Variants in ABCA8 observed in about 807,000 individuals in gnomAD.
ABCA8 encodes the protein ATP binding cassette subfamily A member 8.
A neutral mutation model predicts 192.3 loss-of-function variants in ABCA8; 177 were observed. The ratio of observed to expected loss-of-function variants is 0.92; its 90% confidence interval spans 0.81 to 1.04. The LOEUF is 1.04. Ranked by LOEUF, ABCA8 falls within the 50% of genes least tolerant of loss-of-function variation. The pLI, the probability that ABCA8 is intolerant of heterozygous loss-of-function variation, is 0.00. For missense variants in ABCA8, 1,915 were observed against 1,904.8 expected (o/e 1.01, Z -0.10); for synonymous variants, 642 against 690.2 (o/e 0.93, Z 1.09).
At chr17:68,941,010 G>A (rs763188216) in intron 3 of ABCA8, 48 bp from the exon 4 acceptor site, 2 of 1,412,008 alleles carry the variant, frequency 1.4e-6, no homozygotes, top group Admixed American at 3.8e-5. Context: ...TTTAAAATTA[G>A]TCATCCACAA....
chr17:68,903,099 A>C (rs980092713), intron 20 of ABCA8, among the ~76,000 whole-genome samples: 1 of 152,112 alleles, frequency 6.6e-6, no homozygotes, highest in Non-Finnish European at 1.5e-5. Flanking sequence ...TGGCCATTGG[A>C]TATCCCATAA....
At chr17:68,926,476 A>T (rs548148370) in intron 10 of ABCA8, among the ~76,000 whole-genome samples, 18 of 152,340 alleles carry the variant, frequency 1.2e-4, no homozygotes, top group African/African-American at 4.3e-4. Context: ...AGATTTTGCC[A>T]TAAAAACAAA....
intron 3 of ABCA8, among the ~76,000 whole-genome samples, chr17:68,941,186 T>A (rs2143764182): frequency 6.6e-6 from 1 of 151,762 alleles, no homozygotes; most frequent in South Asian, 2.1e-4. Context: ...TTCTGGAATT[T>A]CAAACTCAAC....
In ABCA8 at chr17:68,885,247, A is replaced by T; in HGVS notation, c.3498T>A (p.Thr1166=). The part of the protein sequence containing the change: ...IFESDIPFIF[T]FLIPPATMIG... ...TCATTGTGGCAGGTGGTATTAAAAA[A>T]GTGAAGATAAATGGAATATCACTTT... Residue 1166 remains threonine, a synonymous_variant, in exon 27 of 40, where the codon ACT becomes ACA. Coordinates refer to ENST00000586539, the MANE Select transcript of ABCA8 (RefSeq NM_001288985.2). The T allele has an allele frequency of 6.2e-7, 1 of 1,613,860 alleles. No individual in the cohort carries two copies. The highest frequency in any genetic ancestry group is 8.5e-7 in the Non-Finnish European group (1 of 1,179,872).
At chr17:68,895,611 G>A (rs563801484) in intron 21 of ABCA8, among the ~76,000 whole-genome samples, 4 of 152,230 alleles carry the variant, frequency 2.6e-5, no homozygotes, top group South Asian at 4.1e-4. Flanking sequence ...AGCCTGATCC[G>A]TCTACTCCCC....
chr17:68,935,262 T>TTGTGTGTGTGTGTG lies in ABCA8; in HGVS notation c.466+1675_466+1688dup, dbSNP rs71144641. 2.8e-3 allele frequency among the ~76,000 whole-genome samples: 375 copies of TTGTGTGTGTGTGTG among 136,070 alleles called. 3 individuals are homozygous for TTGTGTGTGTGTGTG. Among genetic ancestry groups the TTGTGTGTGTGTGTG allele is most frequent in the African/African-American group, 9.1e-3 (315 of 34,496 alleles). 89.3% of individuals were successfully genotyped at this position (136,070 alleles called of 152,430 possible). A position where few individuals can be genotyped will look rare whatever the true frequency, so the allele number is the denominator to read the frequency against. ...GGCAGACGCTGCCACGCCTGGCTAA[T>TTGTGTGTGTGTGTG]TGTGTGTGTGTGTGTGTGTGTGTGT... On this transcript the variant is annotated intron_variant, in intron 5 of 39. Transcript: ENST00000586539.
At chr17:68,886,402 C>T (rs547454331) in intron 26 of ABCA8, among the ~76,000 whole-genome samples, 28 of 152,186 alleles carry the variant, frequency 1.8e-4, no homozygotes, top group Admixed American at 7.2e-4. Flanking sequence ...GGTTTCTGTT[C>T]GTTATCTCTA....
At chr17:68,941,472 A>C (rs1199465696) in intron 3 of ABCA8, among the ~76,000 whole-genome samples, 3 of 152,214 alleles carry the variant, frequency 2.0e-5, no homozygotes, top group Non-Finnish European at 2.9e-5. Flanking sequence ...TATAAGAGCT[A>C]ATGCTAATTT....
chr17:68,934,870 A>G (rs1391562967), intron 5 of ABCA8, among the ~76,000 whole-genome samples: 2 of 152,308 alleles, frequency 1.3e-5, no homozygotes, highest in Middle Eastern at 3.4e-3. Context: ...AAGTGATATA[A>G]CATGTGGTTT....
chr17:68,936,630 A>G (rs760429601), intron 5 of ABCA8, among the ~76,000 whole-genome samples: 4 of 152,038 alleles, frequency 2.6e-5, no homozygotes, highest in African/African-American at 4.8e-5. Context: ...AATTTGTTCT[A>G]TCTTATCCAT....
chr17:68,877,411 TG>T, intron 33 of ABCA8, 107 bp downstream of exon 33: 1 of 1,029,244 alleles, frequency 9.7e-7, no homozygotes, highest in Non-Finnish European at 1.4e-6. Flanking sequence ...CAGTGTGACC[TG>T]GGTCAGCATT....
In ABCA8 at chr17:68,868,143, A is replaced by C. The variant is rs2065960947; in HGVS notation, c.4808T>G (p.Phe1603Cys). 5.0e-6 allele frequency: 8 copies of C among 1,613,254 alleles called. No individual in the cohort carries two copies. Among genetic ancestry groups the C allele is most frequent in the Non-Finnish European group, 6.8e-6 (8 of 1,179,598 alleles). ...ELSKEQELGD[F>C]EEDFDPSVKW... ...CACTGAGGGATCAAAATCCTCCTCA[A>C]AATCACCCAGCTCCTGCTCCTTGGA... The change falls in exon 40 of 40, where the codon TTT becomes TGT. Residue 1603 changes from phenylalanine to cysteine, a missense_variant. By Grantham distance (205) the Phe-to-Cys change is radical. Transcript: ENST00000586539.
At chr17:68,914,609 G>A (rs1345248540) in intron 17 of ABCA8, among the ~76,000 whole-genome samples, 2 of 151,924 alleles carry the variant, frequency 1.3e-5, no homozygotes, top group Non-Finnish European at 2.9e-5. Context: ...GATCTCTATA[G>A]TGAAAACCAT....
At chr17:68,909,364 C>T (rs2067177133) in intron 17 of ABCA8, among the ~76,000 whole-genome samples, 1 of 152,148 alleles carries the variant, frequency 6.6e-6, no homozygotes, top group African/African-American at 2.4e-5. Flanking sequence ...CATGACTGGG[C>T]TCCAACCAAA....
chr17:68,940,754 T>G lies in ABCA8; in HGVS notation c.301+4A>C. On this transcript the variant is annotated splice_donor_region_variant and intron_variant, in intron 4 of 39. Coordinates refer to ENST00000586539, the MANE Select transcript of ABCA8 (RefSeq NM_001288985.2). ...CATTCTTCTTAAGTAACTAGAAAAC[T>G]TACCTGCCAGGAAGGGAGTAGAGGC... is the stretch of plus-strand genomic sequence containing the variant. 6.2e-7 allele frequency: 1 copy of G among 1,611,016 alleles called. No homozygotes were observed. The highest frequency in any genetic ancestry group is 8.5e-7 in the Non-Finnish European group (1 of 1,177,472).
intron 17 of ABCA8, 63 bp from the exon 18 acceptor site, chr17:68,907,942 A>T: frequency 7.1e-7 from 1 of 1,414,246 alleles, no homozygotes; most frequent in Non-Finnish European, 9.4e-7. Context: ...TAGCAAGAAA[A>T]TAATTAACTA....
At chr17:68,883,967 TA>T (rs1267302173) in intron 28 of ABCA8, 85 bp from the exon 29 acceptor site, 8 of 839,090 alleles carry the variant, frequency 9.5e-6, no homozygotes, top group Non-Finnish European at 1.5e-5. Flanking sequence ...ACCGAACTTC[TA>T]AAAAAATACA....
chr17:68,894,570 T>A (rs2066699445), intron 22 of ABCA8, among the ~76,000 whole-genome samples: 1 of 152,194 alleles, frequency 6.6e-6, no homozygotes, highest in African/African-American at 2.4e-5. Flanking sequence ...TGTTCAGTGT[T>A]TATTGTTTAA....
chr17:68,924,657 G>C, intron 11 of ABCA8, 44 bp downstream of exon 11: 1 of 1,586,964 alleles, frequency 6.3e-7, no homozygotes, highest in South Asian at 1.2e-5. Context: ...CTATCTCTTA[G>C]CTTCCTGCCT....
Sources: gnomAD v4.1 joint callset for allele counts (sites outside exome capture counted in the v4.1 genomes callset) on GRCh38, gnomAD v4.1.1 for gene constraint, MANE v1.5 for transcripts, NCBI Gene and HGNC (gene_info 2026-07-23, HGNC 2026-07-21) for gene names.